VPS13B: variants seen among roughly 807,000 people sequenced by gnomAD.
VPS13B encodes the protein vacuolar protein sorting 13 homolog B.
VPS13B carries 285 observed loss-of-function variants against 426.4 expected under a neutral mutation model. That is an observed-to-expected ratio of 0.67 (90% CI 0.61 to 0.74). VPS13B has a LOEUF of 0.74. Among genes scored for constraint, VPS13B ranks in the 30% least tolerant of loss-of-function variants. The pLI, the probability that VPS13B is intolerant of heterozygous loss-of-function variation, is 0.00. For synonymous variants in VPS13B, 1,676 were observed against 1,676.4 expected (o/e 1.00, Z 0.01); for missense variants, 4,537 against 4,782.6 (o/e 0.95, Z 1.51).
chr8:99,544,162 A>C (rs1823812207), intron 30 of VPS13B, among the ~76,000 whole-genome samples: 1 of 152,090 alleles, frequency 6.6e-6, no homozygotes, highest in Non-Finnish European at 1.5e-5. Context: ...CGTCCTTTGT[A>C]GGGACATGGA....
chr8:99,275,493 T>A (rs1003371676), intron 19 of VPS13B, among the ~76,000 whole-genome samples: 3 of 152,124 alleles, frequency 2.0e-5, no homozygotes, highest in South Asian at 2.1e-4. Context: ...TGTATAGTGG[T>A]TAACTTCAGA....
intron 33 of VPS13B, among the ~76,000 whole-genome samples, chr8:99,636,723 A>G (rs1358867121): frequency 1.3e-5 from 2 of 152,032 alleles, no homozygotes; most frequent in Non-Finnish European, 2.9e-5. Context: ...ATTTTGTCTC[A>G]AGTGCTGCCA....
chr8:99,516,044 A>G (rs573242743), intron 29 of VPS13B, among the ~76,000 whole-genome samples: 12 of 152,156 alleles, frequency 7.9e-5, no homozygotes, highest in Non-Finnish European at 1.5e-4. Flanking sequence ...TTGCATCTCT[A>G]TCTGAGGTGT....
At chr8:99,313,014 T>C (rs1384235206) in intron 19 of VPS13B, among the ~76,000 whole-genome samples, 1 of 152,226 alleles carries the variant, frequency 6.6e-6, no homozygotes, top group Non-Finnish European at 1.5e-5. Context: ...GTTTGTCAGC[T>C]CCATCAGGTC....
intron 33 of VPS13B, among the ~76,000 whole-genome samples, chr8:99,581,947 C>T (rs754404184): frequency 2.0e-5 from 3 of 152,038 alleles, no homozygotes; most frequent in Admixed American, 1.3e-4. Context: ...ACAACAGGCA[C>T]GTTATTTGGG....
chr8:99,638,137 G>C (rs1297776564), intron 33 of VPS13B, among the ~76,000 whole-genome samples: 1 of 151,986 alleles, frequency 6.6e-6, no homozygotes, highest in Non-Finnish European at 1.5e-5. Flanking sequence ...TTATCTTACT[G>C]AATTTTTAAA....
intron 17 of VPS13B, among the ~76,000 whole-genome samples, chr8:99,244,881 A>C (rs1817130204): frequency 6.6e-6 from 1 of 152,216 alleles, no homozygotes; most frequent in African/African-American, 2.4e-5. Flanking sequence ...CAAAGTTTAG[A>C]TATTTAAAAT....
At chr8:99,388,920 G>A (rs2133306004) in intron 20 of VPS13B, among the ~76,000 whole-genome samples, 1 of 152,346 alleles carries the variant, frequency 6.6e-6, no homozygotes, top group East Asian at 1.9e-4. Context: ...GGAAGCTGAG[G>A]CAGGTGGATC....
chr8:99,638,080 CATA>C (rs1829142516), intron 33 of VPS13B, among the ~76,000 whole-genome samples: 1 of 152,010 alleles, frequency 6.6e-6, no homozygotes, highest in Non-Finnish European at 1.5e-5. Context: ...TTGAAATTTT[CATA>C]ATAAGGATAA....
At chr8:99,163,392 G>C (rs1451335481) in intron 15 of VPS13B, among the ~76,000 whole-genome samples, 1 of 152,234 alleles carries the variant, frequency 6.6e-6, no homozygotes, top group Non-Finnish European at 1.5e-5. Flanking sequence ...CCTGCACCGT[G>C]CACTCGCATT....
At chr8:99,353,513 G>C (rs570813580) in intron 19 of VPS13B, among the ~76,000 whole-genome samples, 1 of 151,566 alleles carries the variant, frequency 6.6e-6, no homozygotes, top group South Asian at 2.1e-4. Flanking sequence ...AATAAAAATC[G>C]GTTCATCAAT....
intron 17 of VPS13B, among the ~76,000 whole-genome samples, chr8:99,221,207 G>A (rs547668381): frequency 3.6e-5 from 5 of 140,434 alleles, no homozygotes; most frequent in Middle Eastern, 3.5e-3. Flanking sequence ...ATTTGGGTTG[G>A]TTCCAAGTCT....
chr8:99,201,397 C>T (rs576547545), intron 17 of VPS13B, among the ~76,000 whole-genome samples: 159 of 152,254 alleles, frequency 1.0e-3, no homozygotes, highest in African/African-American at 3.7e-3. Context: ...TCAGTCTTCT[C>T]ATTCTAAATG....
intron 19 of VPS13B, among the ~76,000 whole-genome samples, chr8:99,355,506 G>A (rs774385430): frequency 2.6e-5 from 4 of 152,276 alleles, no homozygotes; most frequent in Middle Eastern, 3.4e-3. Context: ...CAGGAGAATC[G>A]CTTGAACCTG....
At chr8:99,068,855 C>G (rs899606114) in intron 3 of VPS13B, among the ~76,000 whole-genome samples, 2 of 152,086 alleles carry the variant, frequency 1.3e-5, no homozygotes, top group African/African-American at 2.4e-5. Context: ...AACTACAATT[C>G]TAGATGAAAT....
At chr8:99,773,719 T>C (rs1811619726) in intron 40 of VPS13B, among the ~76,000 whole-genome samples, 1 of 152,214 alleles carries the variant, frequency 6.6e-6, no homozygotes, top group South Asian at 2.1e-4. Flanking sequence ...AGGTCTTGCT[T>C]CCAGGAACTA....
intron 3 of VPS13B, among the ~76,000 whole-genome samples, chr8:99,088,183 C>CAA (rs1326004820): frequency 3.9e-4 from 25 of 64,790 alleles, no homozygotes; most frequent in East Asian, 5.8e-4. Flanking sequence ...GACCCTGTCT[C>CAA]AAAAAAAAAA....
intron 15 of VPS13B, among the ~76,000 whole-genome samples, chr8:99,158,857 T>C (rs1194270271): frequency 6.6e-6 from 1 of 152,224 alleles, no homozygotes; most frequent in Non-Finnish European, 1.5e-5. Context: ...TGACATTCAT[T>C]CTGCAGCCTG....
chr8:99,739,218 G>C (rs529743469), intron 39 of VPS13B, among the ~76,000 whole-genome samples: 43 of 152,300 alleles, frequency 2.8e-4, no homozygotes, highest in African/African-American at 1.0e-3. Context: ...GTGGAGCCTC[G>C]CTCATTGCTA....
Sources: gnomAD v4.1 joint callset for allele counts (sites outside exome capture counted in the v4.1 genomes callset) on GRCh38, gnomAD v4.1.1 for gene constraint, MANE v1.5 for transcripts, NCBI Gene and HGNC (gene_info 2026-07-23, HGNC 2026-07-21) for gene names.